NKD1: variants seen among roughly 807,000 people sequenced by gnomAD.
NKD1 encodes NKD inhibitor of Wnt signaling pathway 1, also known as protein naked cuticle homolog 1.
NKD1 carries 21 observed loss-of-function variants against 56.0 expected under a neutral mutation model. That is an observed-to-expected ratio of 0.38 (90% CI 0.27 to 0.54). The LOEUF (loss-of-function observed/expected upper bound fraction) is 0.54, where lower values mean the gene tolerates loss of function less well. NKD1 is among the 20% of genes least tolerant of loss of function. NKD1 has a pLI of 0.82. For missense variants in NKD1, 578 were observed against 642.7 expected (o/e 0.90, Z 1.09); for synonymous variants, 263 against 265.7 (o/e 0.99, Z 0.10).
rs532760319 is a variant in NKD1 at position 50,570,112 on chromosome 16, G to A, written c.192+20557G>A. Among the ~76,000 whole-genome samples, 6 of 152,266 alleles carry A rather than the reference G, an allele frequency of 3.9e-5. No individual in the cohort carries two copies. In the East Asian group the frequency reaches 9.6e-4, roughly 24 times the overall value. On this transcript the variant is annotated intron_variant, in intron 3 of 9. Transcript: ENST00000268459. ...ATAATTTAAAAAAATCACATGTAAC[G>A]ATAGTATTTTGAAATGTCGGTATTT...
chr16:50,558,908 T>TCAAG (rs148419525), intron 3 of NKD1, among the ~76,000 whole-genome samples: 3 of 151,154 alleles, frequency 2.0e-5, no homozygotes, highest in Non-Finnish European at 3.0e-5. Flanking sequence ...AAACTCTGTC[T>TCAAG]CAAACAAACA....
chr16:50,610,897 T>C (rs1486428691), intron 4 of NKD1, among the ~76,000 whole-genome samples: 2 of 152,200 alleles, frequency 1.3e-5, no homozygotes, highest in Non-Finnish European at 2.9e-5. Flanking sequence ...TCTCAAGCTC[T>C]GAGAGCTGGC....
chr16:50,628,532 C>T (rs987841616), intron 6 of NKD1, among the ~76,000 whole-genome samples: 1 of 152,176 alleles, frequency 6.6e-6, no homozygotes, highest in African/African-American at 2.4e-5. Context: ...CAGGACATTG[C>T]CCTGCACCCC....
At chr16:50,622,808 G>A (rs561350811) in intron 5 of NKD1, among the ~76,000 whole-genome samples, 30 of 151,840 alleles carry the variant, frequency 2.0e-4, no homozygotes, top group African/African-American at 1.9e-4. Flanking sequence ...GGTTCCTGCC[G>A]TCAAGGAGTG....
At chr16:50,612,793 G>A (rs928968576) in intron 4 of NKD1, among the ~76,000 whole-genome samples, 7 of 152,168 alleles carry the variant, frequency 4.6e-5, no homozygotes, top group African/African-American at 7.2e-5. Flanking sequence ...TGGGGTGGTC[G>A]GCAAGTGTGG....
At chr16:50,605,521 GA>G (rs1466725872) in intron 3 of NKD1, among the ~76,000 whole-genome samples, 1 of 152,108 alleles carries the variant, frequency 6.6e-6, no homozygotes, top group Non-Finnish European at 1.5e-5. Flanking sequence ...ACCATAGATA[GA>G]AAATATTTGG....
chr16:50,628,968 T>A (rs1262002207), intron 6 of NKD1, among the ~76,000 whole-genome samples: 5 of 151,056 alleles, frequency 3.3e-5, no homozygotes, highest in Admixed American at 6.6e-5. Flanking sequence ...TTTTTTTTTT[T>A]TTTTATTTTA....
intron 3 of NKD1, chr16:50,574,599 G>A (rs959156353): frequency 1.3e-5 from 13 of 985,260 alleles, no homozygotes; most frequent in Middle Eastern, 5.2e-4. Context: ...AGCTGGCCTC[G>A]CAGGCCTGGC....
At chr16:50,559,096 A>G (rs1258071720) in intron 3 of NKD1, among the ~76,000 whole-genome samples, 1 of 152,256 alleles carries the variant, frequency 6.6e-6, no homozygotes, top group African/African-American at 2.4e-5. Context: ...GTGATGGCTC[A>G]TCTCTGATTC....
chr16:50,611,942 A>C (rs1273416044), intron 4 of NKD1, among the ~76,000 whole-genome samples: 1 of 152,106 alleles, frequency 6.6e-6, no homozygotes, highest in Non-Finnish European at 1.5e-5. Flanking sequence ...TCCTGGGTTC[A>C]GTTTTCTTGA....
intron 3 of NKD1, among the ~76,000 whole-genome samples, chr16:50,579,426 C>T (rs574554189): frequency 1.4e-5 from 2 of 144,978 alleles, no homozygotes; most frequent in Admixed American, 1.4e-4. Flanking sequence ...GCGGGCTACC[C>T]GCTACACACG....
intron 3 of NKD1, among the ~76,000 whole-genome samples, chr16:50,550,401 G>A (rs1239303585): frequency 1.3e-5 from 2 of 151,610 alleles, no homozygotes; most frequent in African/African-American, 2.4e-5. Context: ...CTGAGTCTCA[G>A]GTCTGGTTAG....
rs528384725 is a variant in NKD1, at chr16:50,622,930, C to T, written c.366+1222C>T. ...GGTCAGGCCGAGGGGTGTGGGGTAA[C>T]GGACACTTGGCATTTCCAGGCTCTG... On this transcript the variant is annotated intron_variant, in intron 5 of 9. Coordinates refer to ENST00000268459, the MANE Select transcript of NKD1 (RefSeq NM_033119.5). Among the ~76,000 whole-genome samples, 100 of 152,184 alleles carry T rather than the reference C, an allele frequency of 6.6e-4. 1 individual carries two copies. The highest frequency in any genetic ancestry group is 2.2e-3 in the African/African-American group (93 of 41,528).
Position 50,593,399 on chromosome 16 carries a change from T to A in NKD1, c.193-14895T>A, listed in dbSNP as rs920100226. Among the ~76,000 whole-genome samples the A allele has an allele frequency of 3.0e-4, 45 of 152,158 alleles. 1 individual carries two copies. ...GACCCCTTTTGCATCCCCTCGTGGC[T>A]CTGTTTTCCTGGGTATTAGCTTTTT... On this transcript the variant is annotated intron_variant, in intron 3 of 9. Coordinates refer to ENST00000268459, the MANE Select transcript of NKD1 (RefSeq NM_033119.5).
intron 3 of NKD1, among the ~76,000 whole-genome samples, chr16:50,589,731 T>C (rs1329094131): frequency 2.1e-5 from 2 of 95,474 alleles, no homozygotes; most frequent in African/African-American, 8.6e-5. Flanking sequence ...TCTCTTCTCT[T>C]CTCTTCTCTT....
intron 3 of NKD1, among the ~76,000 whole-genome samples, chr16:50,595,519 A>G (rs1282032962): frequency 4.6e-5 from 7 of 152,032 alleles, no homozygotes; most frequent in Non-Finnish European, 1.0e-4. Flanking sequence ...CAGATCCAGG[A>G]ACACCCAGGG....
At chr16:50,594,078 G>A (rs574553093) in intron 3 of NKD1, among the ~76,000 whole-genome samples, 1 of 150,416 alleles carries the variant, frequency 6.6e-6, no homozygotes, top group South Asian at 2.1e-4. Context: ...AGGTTCCTGG[G>A]GCACAAGGTG....
chr16:50,618,988 G>A (rs1330744550), intron 4 of NKD1, among the ~76,000 whole-genome samples: 2 of 152,178 alleles, frequency 1.3e-5, no homozygotes, highest in Non-Finnish European at 2.9e-5. Flanking sequence ...GGAGAGAGCA[G>A]GGACAGAGGT....
chr16:50,608,373 C>T lies in NKD1; in HGVS notation c.259+13C>T. Reference sequence around the variant, plus strand: ...TTTCGGCTGGAAGGTATTCGGAGTCCATTGCTCTCTTCCCAGCAGCAGCGA... The same window carrying T: ...TTTCGGCTGGAAGGTATTCGGAGTCTATTGCTCTCTTCCCAGCAGCAGCGA... On this transcript the variant is annotated intron_variant, in intron 4 of 9. Coordinates refer to ENST00000268459, the MANE Select transcript of NKD1 (RefSeq NM_033119.5). 6.3e-7 allele frequency: 1 copy of T among 1,597,758 alleles called. No homozygotes were observed. Among genetic ancestry groups the T allele is most frequent in the Non-Finnish European group, 8.6e-7 (1 of 1,166,510 alleles).
Sources: gnomAD v4.1 joint callset for allele counts (sites outside exome capture counted in the v4.1 genomes callset) on GRCh38, gnomAD v4.1.1 for gene constraint, MANE v1.5 for transcripts, NCBI Gene and HGNC (gene_info 2026-07-23, HGNC 2026-07-21) for gene names.